The following PLD5 variants were observed in gnomAD, a reference collection of about 807,000 sequenced individuals.
PLD5 encodes phospholipase D family member 5.
A neutral mutation model predicts 61.1 loss-of-function variants in PLD5; 36 were observed. The observed-to-expected ratio is 0.59, with a 90% CI of 0.45 to 0.78. PLD5 has a LOEUF of 0.78. Among genes scored for constraint, PLD5 ranks in the 30% least tolerant of loss-of-function variants. PLD5 has a pLI of 0.00. For synonymous variants in PLD5, 243 were observed against 242.8 expected, an observed-to-expected ratio of 1.00 and a Z score of -0.01; for missense variants, 515 against 644.4, an observed-to-expected ratio of 0.80 and a Z score of 2.17.
At chr1:242,436,949 AG>A (rs1214588437) in intron 1 of PLD5, among the ~76,000 whole-genome samples, 1 of 152,210 alleles carries the variant, frequency 6.6e-6, no homozygotes, top group Non-Finnish European at 1.5e-5. Flanking sequence ...TTGGATTATG[AG>A]GCTAAACCAT....
intron 2 of PLD5, among the ~76,000 whole-genome samples, chr1:242,292,194 A>G: frequency 6.6e-6 from 1 of 152,170 alleles, no homozygotes; most frequent in Non-Finnish European, 1.5e-5. Context: ...AGCGCGGATA[A>G]ATAATCCCAG....
At chr1:242,218,840 A>G (rs1426220435) in intron 5 of PLD5, among the ~76,000 whole-genome samples, 1 of 152,226 alleles carries the variant, frequency 6.6e-6, no homozygotes, top group East Asian at 1.9e-4. Context: ...CCTTTGCAAG[A>G]TAAAATTATA....
intron 2 of PLD5, chr1:242,345,652 A>T (rs1414534729): frequency 1.8e-5 from 15 of 854,014 alleles, no homozygotes; most frequent in Non-Finnish European, 2.9e-5. Context: ...GTCAACCTTG[A>T]TATCAACACT....
At chr1:242,102,544 C>T (rs1660764372) in intron 8 of PLD5, among the ~76,000 whole-genome samples, 1 of 152,282 alleles carries the variant, frequency 6.6e-6, no homozygotes, top group Middle Eastern at 3.4e-3. Context: ...TTTCATGAGT[C>T]CCTCATGGAG....
intron 5 of PLD5, among the ~76,000 whole-genome samples, chr1:242,200,894 G>A (rs921475132): frequency 2.0e-5 from 3 of 152,214 alleles, no homozygotes; most frequent in Non-Finnish European, 4.4e-5. Context: ...TTATGCGTGT[G>A]TTTGGTTATC....
intron 5 of PLD5, among the ~76,000 whole-genome samples, chr1:242,182,485 T>C (rs1667582012): frequency 6.6e-6 from 1 of 152,216 alleles, no homozygotes; most frequent in South Asian, 2.1e-4. Context: ...TTACATGTCA[T>C]CTTCACTTTG....
At chr1:242,454,573 A>G (rs948660194) in intron 1 of PLD5, among the ~76,000 whole-genome samples, 2 of 152,218 alleles carry the variant, frequency 1.3e-5, no homozygotes, top group African/African-American at 4.8e-5. Context: ...GAAAAGAGAC[A>G]CAGGGGAAAA....
intron 2 of PLD5, among the ~76,000 whole-genome samples, chr1:242,337,473 A>C (rs576211757): frequency 6.6e-6 from 1 of 152,176 alleles, no homozygotes; most frequent in African/African-American, 2.4e-5. Flanking sequence ...TCTACTAAAA[A>C]TACAAAAATT....
At chr1:242,271,835 G>GT (rs1245206679) in intron 3 of PLD5, among the ~76,000 whole-genome samples, 1 of 151,752 alleles carries the variant, frequency 6.6e-6, no homozygotes, top group African/African-American at 2.4e-5. Context: ...CTCAATGTGG[G>GT]TTTTTGAAAT....
chr1:242,294,060 GA>G (rs888664489), intron 2 of PLD5, among the ~76,000 whole-genome samples: 3 of 152,124 alleles, frequency 2.0e-5, no homozygotes, highest in African/African-American at 7.2e-5. Flanking sequence ...AGATCTCATT[GA>G]AATTCACCTT....
chr1:242,288,521 C>A lies in PLD5; in HGVS notation c.336G>T (p.Leu112=), dbSNP rs760675048. 1 of 1,585,238 alleles carries A rather than the reference C, an allele frequency of 6.3e-7. No homozygotes were observed. Among genetic ancestry groups the A allele is most frequent in the Non-Finnish European group, 8.5e-7 (1 of 1,170,486 alleles). The change falls in exon 3 of 10, where the codon CTG becomes CTT. Residue 112 remains leucine (L), a synonymous_variant. Coordinates refer to ENST00000536534, the MANE Select transcript of PLD5 (RefSeq NM_001372062.1). ...TAAGGCCTTCAGGAATATTTTCCAC[C>A]AGGGCAATTCTTAGAAAAGATTTTG... ...KNCQNKCRIA[L]VENIPEGLNY... is the part of the protein sequence containing the mutation.
chr1:242,439,831 A>G (rs1666189121), intron 1 of PLD5, among the ~76,000 whole-genome samples: 1 of 152,198 alleles, frequency 6.6e-6, no homozygotes, highest in South Asian at 2.1e-4. Context: ...AATGTGTGAG[A>G]AGGAAACGAA....
chr1:242,304,410 T>C (rs1045918773), intron 2 of PLD5, among the ~76,000 whole-genome samples: 1 of 152,186 alleles, frequency 6.6e-6, no homozygotes, highest in Non-Finnish European at 1.5e-5. Flanking sequence ...AGGTTTAAAA[T>C]AGTTTTTCTA....
At position 242,421,998 on chromosome 1, in the gene PLD5, C is replaced by T. The variant is rs140503416; in HGVS notation, c.190-73756G>A. ...ATTCAAATGAAGAAAAGAGAAGGAG[C>T]GTGACTGATTAAGAAATTATCAGAC... is the stretch of plus-strand genomic sequence containing the variant. On this transcript the variant is annotated intron_variant, in intron 1 of 9. Transcript: ENST00000536534. Among the ~76,000 whole-genome samples, 9 of 152,004 alleles carry T rather than the reference C, an allele frequency of 5.9e-5. No homozygotes were observed. In the East Asian group the frequency reaches 9.6e-4, roughly 16 times the overall value.
chr1:242,480,078 A>G (rs1667724620), intron 1 of PLD5, among the ~76,000 whole-genome samples: 1 of 152,006 alleles, frequency 6.6e-6, no homozygotes, highest in Non-Finnish European at 1.5e-5. Flanking sequence ...AAAAAAGGAA[A>G]AAAGAAAGCT....
intron 1 of PLD5, chr1:242,365,407 T>C (rs1034511414): frequency 1.2e-5 from 2 of 160,854 alleles, no homozygotes; most frequent in Non-Finnish European, 2.9e-5. Context: ...AGCACTGTAA[T>C]GAGGCCAAGG....
chr1:242,204,425 G>A lies in PLD5; in HGVS notation c.735+15563C>T, dbSNP rs151317797. Among the ~76,000 whole-genome samples the A allele has an allele frequency of 7.2e-5, 11 of 152,234 alleles. No individual in the cohort carries two copies. In the East Asian group the frequency reaches 1.9e-3, roughly 27 times the overall value. ...ATACGGCCACTAGTCCATGCCCCTT[G>A]ACCGGGACAGTAACCAAGGCGTTGC... On this transcript the variant is annotated intron_variant, in intron 5 of 9. Transcript: ENST00000536534.
chr1:242,503,101 CCACCCAATAACCACTCCATAT>C (rs1279583502), intron 1 of PLD5, among the ~76,000 whole-genome samples: 1 of 152,022 alleles, frequency 6.6e-6, no homozygotes, highest in Non-Finnish European at 1.5e-5. Context: ...GTCTGATTTC[CCACCCAATAACCACTCCATAT>C]CTAATATGGT....
At chr1:242,343,183 G>A (rs925404723) in intron 2 of PLD5, among the ~76,000 whole-genome samples, 2 of 151,824 alleles carry the variant, frequency 1.3e-5, no homozygotes, top group Non-Finnish European at 2.9e-5. Flanking sequence ...CTGACAGACT[G>A]TAAATGTTGA....
Sources: gnomAD v4.1 joint callset for allele counts (sites outside exome capture counted in the v4.1 genomes callset) on GRCh38, gnomAD v4.1.1 for gene constraint, MANE v1.5 for transcripts, NCBI Gene and HGNC (gene_info 2026-07-23, HGNC 2026-07-21) for gene names.